NUP88: variants seen among roughly 807,000 people sequenced by gnomAD.
NUP88 encodes the protein nuclear pore complex protein Nup88.
A neutral mutation model predicts 93.9 loss-of-function variants in NUP88; 57 were observed. The observed-to-expected ratio is 0.61, with a 90% CI of 0.49 to 0.76. The LOEUF is 0.76. NUP88 is among the 30% of genes least tolerant of loss of function. The pLI is 0.00. For missense variants in NUP88, 911 were observed against 901.0 expected (o/e 1.01, Z -0.14); for synonymous variants, 346 against 336.8 (o/e 1.03, Z -0.30).
Position 5,414,104 on chromosome 17 carries a change from G to A in NUP88, c.498C>T (p.Thr166=). 1 of 1,613,482 alleles carries A rather than the reference G, an allele frequency of 6.2e-7. No homozygotes were observed. The highest frequency in any genetic ancestry group is 8.5e-7 in the Non-Finnish European group (1 of 1,179,478). ...STTPVAERFF[T]SSTSLTLKHA... ...GCTTTAGAGTCAGAGAGGTGGAACT[G>A]GTGAAAAATCTCTCCGCAACTGGAG... The change falls in exon 3 of 17, where the codon ACC becomes ACT. Residue 166 remains threonine (T), a synonymous_variant. Transcript: ENST00000573584.
chr17:5,387,524 T>A (rs962639612), intron 13 of NUP88, 58 bp from the exon 14 acceptor site: 1 of 1,597,216 alleles, frequency 6.3e-7, no homozygotes, highest in Non-Finnish European at 8.6e-7. Context: ...TGAAACCACC[T>A]AATGTGGCTC....
At chr17:5,403,923 T>C (rs927105396) in intron 7 of NUP88, among the ~76,000 whole-genome samples, 176 bp downstream of exon 7, 1 of 152,056 alleles carries the variant, frequency 6.6e-6, no homozygotes, top group Non-Finnish European at 1.5e-5. Flanking sequence ...ACTTGGGAAA[T>C]TTGCTCAGTC....
At chr17:5,387,733 A>G (rs1393823929) in intron 12 of NUP88, 46 bp downstream of exon 12, 1 of 1,608,372 alleles carries the variant, frequency 6.2e-7, no homozygotes, top group African/African-American at 1.3e-5. Context: ...ATACAGCATC[A>G]GCTACCAGCC....
chr17:5,387,798 T>C lies in NUP88; in HGVS notation c.1750A>G (p.Lys584Glu), dbSNP rs774309371. The part of the protein sequence containing the change: ...EQYILKQDLA[K>E]EEIQRRVKLL... ...TCATACCTCCGCTGAATCTCCTCCT[T>C]TGCCAAGTCCTGTTTGAGAATGTAC... Residue 584 changes from lysine (K) to glutamate (E), a missense_variant, in exon 12 of 17, where the codon AAG (lysine) becomes GAG (glutamate). Transcript: ENST00000573584. The C allele has an allele frequency of 2.5e-6, 4 of 1,612,314 alleles. No individual in the cohort carries two copies. The highest frequency in any genetic ancestry group is 3.4e-6 in the Non-Finnish European group (4 of 1,179,572).
At chr17:5,390,960 C>A (rs1184155184) in intron 10 of NUP88, among the ~76,000 whole-genome samples, 1 of 152,146 alleles carries the variant, frequency 6.6e-6, no homozygotes, top group Non-Finnish European at 1.5e-5. Flanking sequence ...GCATGAACCA[C>A]CACTGCACCC....
rs376956860 is a variant in NUP88 at position 5,416,695 on chromosome 17, G to C, written c.298-13C>G. ...TGCAAAGCAATCTCTGAAAATTAGA[G>C]CAAACCAGTCAACATAGTTAATTTT... On this transcript the variant is annotated splice_polypyrimidine_tract_variant and intron_variant, in intron 1 of 16. Transcript: ENST00000573584. 5 of 1,596,852 alleles carry C rather than the reference G, an allele frequency of 3.1e-6. No individual in the cohort carries two copies. The highest frequency in any genetic ancestry group is 4.3e-6 in the Non-Finnish European group (5 of 1,174,814).
intron 7 of NUP88, among the ~76,000 whole-genome samples, chr17:5,401,257 C>A (rs1403299181): frequency 6.6e-6 from 1 of 152,086 alleles, no homozygotes; most frequent in Non-Finnish European, 1.5e-5. Context: ...GCGGCACATG[C>A]CTGCAATCCC....
chr17:5,407,206 C>A (rs1913551210), intron 5 of NUP88, among the ~76,000 whole-genome samples: 1 of 152,196 alleles, frequency 6.6e-6, no homozygotes, highest in African/African-American at 2.4e-5. Context: ...TGCGTACTCT[C>A]TTCTCTCTCC....
intron 7 of NUP88, among the ~76,000 whole-genome samples, chr17:5,403,338 G>A (rs762557976): frequency 1.1e-4 from 17 of 152,220 alleles, no homozygotes; most frequent in Middle Eastern, 3.4e-3. Context: ...TTAGCAGGGC[G>A]TGGTGGCACA....
chr17:5,387,442 C>T lies in NUP88; in HGVS notation c.1860G>A (p.Glu620=). The change falls in exon 14 of 17, where the codon GAG becomes GAA. Residue 620 remains glutamate, a synonymous_variant. Coordinates refer to ENST00000573584, the MANE Select transcript of NUP88 (RefSeq NM_002532.6). ...CTTCCTCATATTTGTCAGCTAAACG[C>T]TCAGCCATTTCCCGCAGACTTTTCC... ...EERKSLREMA[E]RLADKYEEAK... 1.9e-6 allele frequency: 3 copies of T among 1,614,186 alleles called. No individual in the cohort carries two copies. Among genetic ancestry groups the T allele is most frequent in the Non-Finnish European group, 2.5e-6 (3 of 1,180,026 alleles).
At chr17:5,398,465 T>C (rs1004149356) in intron 8 of NUP88, among the ~76,000 whole-genome samples, 4 of 152,088 alleles carry the variant, frequency 2.6e-5, no homozygotes, top group African/African-American at 4.8e-5. Context: ...ATTTTTGTAT[T>C]TTTAGTAGAG....
chr17:5,386,072 A>C lies in NUP88; in HGVS notation c.*134T>G. The C allele has an allele frequency of 1.6e-6, 1 of 637,086 alleles. No individual in the cohort carries two copies. Among genetic ancestry groups the C allele is most frequent in the Non-Finnish European group, 2.7e-6 (1 of 364,998 alleles). The allele number at this position is 637,086 out of a possible 1,614,324, so 39.5% of individuals were successfully genotyped here. ...ATTTACTCAATTATTATAAAACAAC[A>C]TATTTAAAAAGATGAACCACACCAA... On this transcript the variant is annotated 3_prime_UTR_variant, in exon 17 of 17. Coordinates refer to ENST00000573584, the MANE Select transcript of NUP88 (RefSeq NM_002532.6).
chr17:5,388,780 CGCTAT>C lies in NUP88; in HGVS notation c.1643+17_1643+21del, dbSNP rs752299126. 11 of 1,600,140 alleles carry C rather than the reference CGCTAT, an allele frequency of 6.9e-6. No homozygotes were observed. Among genetic ancestry groups the C allele is most frequent in the Admixed American group, 1.7e-5 (1 of 57,976 alleles). Reference sequence around the variant, plus strand: ...ACAGAAGAGAACCCATTCATAAAACCGCTATGCCCAAGGTTGCATACTTCAAAAAT... The same window carrying C: ...ACAGAAGAGAACCCATTCATAAAACCGCCCAAGGTTGCATACTTCAAAAAT... On this transcript the variant is annotated intron_variant, in intron 11 of 16. Coordinates refer to ENST00000573584, the MANE Select transcript of NUP88 (RefSeq NM_002532.6).
rs562229156 is a variant in NUP88, at chr17:5,416,264, TCTTA to T, written c.467+245_467+248del. Among the ~76,000 whole-genome samples, 125 of 151,032 alleles carry T rather than the reference TCTTA, an allele frequency of 8.3e-4. 1 individual carries two copies. Among genetic ancestry groups the T allele is most frequent in the East Asian group, 2.3e-3 (12 of 5,154 alleles). On this transcript the variant is annotated intron_variant, in intron 2 of 16. Transcript: ENST00000573584. ...CTGACAGATAACTGGTTTTACAAAA[TCTTA>T]CTTCTACCTAATCGAAAGAATGGCC...
In NUP88 at chr17:5,416,144, CAAAAAAAAAAAAA is replaced by C. The variant is rs1206275413; in HGVS notation, c.467+356_467+368del. ...TGGGTGACAGAGCAAGACTCCATCTCAAAAAAAAAAAAAAAAAAAAAAGTATATATATATATAC... is the reference window on the plus strand; with the variant it reads ...TGGGTGACAGAGCAAGACTCCATCTCAAAAAAAAAGTATATATATATATAC... On this transcript the variant is annotated intron_variant, in intron 2 of 16. Transcript: ENST00000573584. Among the ~76,000 whole-genome samples the C allele has an allele frequency of 8.1e-3, 590 of 72,674 alleles. 17 individuals are homozygous for C. Among genetic ancestry groups the C allele is most frequent in the African/African-American group, 0.03 (550 of 18,428 alleles). The allele number at this position is 72,674 out of a possible 152,430, so 47.7% of individuals were successfully genotyped here. A position where few individuals can be genotyped will look rare whatever the true frequency, so the allele number is the denominator to read the frequency against.
At chr17:5,413,881 C>T (rs1165227709) in intron 3 of NUP88, 128 bp downstream of exon 3, 1 of 950,210 alleles carries the variant, frequency 1.1e-6, no homozygotes, top group African/African-American at 1.6e-5. Flanking sequence ...GAATGGGTTA[C>T]AACAGCCATC....
At chr17:5,411,154 C>T (rs1192491266) in intron 3 of NUP88, among the ~76,000 whole-genome samples, 2 of 152,164 alleles carry the variant, frequency 1.3e-5, no homozygotes, top group African/African-American at 4.8e-5. Flanking sequence ...CTATCTCTGC[C>T]TATTGGACAC....
At chr17:5,393,849 A>C (rs1912602562) in intron 9 of NUP88, among the ~76,000 whole-genome samples, 1 of 152,128 alleles carries the variant, frequency 6.6e-6, no homozygotes, top group South Asian at 2.1e-4. Flanking sequence ...TTCTTAGTGT[A>C]TGCTATTTGT....
At chr17:5,400,378 C>G (rs887442795) in intron 7 of NUP88, among the ~76,000 whole-genome samples, 7 of 151,790 alleles carry the variant, frequency 4.6e-5, no homozygotes, top group African/African-American at 1.7e-4. Context: ...CACCTGTGAT[C>G]CCAGCTACTC....
Sources: allele counts gnomAD v4.1 joint callset (sites outside exome capture counted in the v4.1 genomes callset), GRCh38; gene constraint gnomAD v4.1.1; transcripts MANE v1.5; gene names NCBI Gene and HGNC (gene_info 2026-07-23, HGNC 2026-07-21).